The following SDK1 variants were observed in gnomAD, a reference collection of about 807,000 sequenced individuals.
The protein encoded by SDK1 is sidekick cell adhesion molecule 1, also known as protein sidekick-1.
SDK1 carries 157 observed loss-of-function variants against 245.5 expected under a neutral mutation model. The ratio of observed to expected loss-of-function variants is 0.64; its 90% CI spans 0.56 to 0.73. SDK1 has a LOEUF of 0.73. Among genes scored for constraint, SDK1 ranks in the 30% least tolerant of loss-of-function variants. The pLI is 0.00. For synonymous variants in SDK1, 1,647 were observed against 1,278.5 expected (o/e 1.29, Z -6.15); for missense variants, 3,583 against 3,002.3 (o/e 1.19, Z -4.52).
chr7:3,939,358 C>G (rs972451933), intron 5 of SDK1, among the ~76,000 whole-genome samples: 1 of 152,226 alleles, frequency 6.6e-6, no homozygotes, highest in African/African-American at 2.4e-5. Flanking sequence ...AAAATATACA[C>G]TCAGAAATGT....
At chr7:3,946,551 A>C (rs1483745131) in intron 5 of SDK1, among the ~76,000 whole-genome samples, 1 of 152,098 alleles carries the variant, frequency 6.6e-6, no homozygotes, top group Non-Finnish European at 1.5e-5. Context: ...TCTTGGGCTC[A>C]AGAGAGCCAC....
intron 1 of SDK1, among the ~76,000 whole-genome samples, chr7:3,375,697 C>A (rs1421097870): frequency 6.6e-6 from 1 of 152,150 alleles, no homozygotes; most frequent in African/African-American, 2.4e-5. Context: ...TGGTCAACCG[C>A]CACCATCAAC....
At chr7:3,583,922 G>C (rs1355337412) in intron 1 of SDK1, among the ~76,000 whole-genome samples, 1 of 152,184 alleles carries the variant, frequency 6.6e-6, no homozygotes, top group East Asian at 1.9e-4. Context: ...TTTGCTTGGA[G>C]TGAAGGTCCC....
At chr7:3,964,653 C>G (rs1378174651) in intron 9 of SDK1, among the ~76,000 whole-genome samples, 1 of 152,138 alleles carries the variant, frequency 6.6e-6, no homozygotes, top group East Asian at 1.9e-4. Context: ...TACTGTTCTT[C>G]TAAAATGAAG....
At chr7:3,623,554 T>A (rs1486484411) in intron 2 of SDK1, among the ~76,000 whole-genome samples, 1 of 152,164 alleles carries the variant, frequency 6.6e-6, no homozygotes, top group Non-Finnish European at 1.5e-5. Context: ...AATGTTACAT[T>A]TCATATTGAT....
At position 4,213,351 on chromosome 7, in the gene SDK1, G is replaced by A. The variant is rs567823198; in HGVS notation, c.5539+3189G>A. ...TGCTTAATCCTGGGAGGCGGAGGTG[G>A]CAGTGAGCCGAGATCGCGCCACTGC... On this transcript the variant is annotated intron_variant, in intron 38 of 44. Coordinates refer to ENST00000404826, the MANE Select transcript of SDK1 (RefSeq NM_152744.4). 5.3e-5 allele frequency among the ~76,000 whole-genome samples: 8 copies of A among 151,836 alleles called. No homozygotes were observed. The East Asian group carries it at 1.6e-3, about 29-fold the overall frequency.
rs528613095 is a variant in SDK1, at chr7:4,193,167, A to G, written c.5099-12712A>G. Among the ~76,000 whole-genome samples the G allele has an allele frequency of 5.7e-3, 760 of 133,850 alleles. 5 individuals are homozygous for G. Among genetic ancestry groups the G allele is most frequent in the African/African-American group, 0.021 (722 of 35,072 alleles). The allele number at this position is 133,850 out of a possible 152,430, so 87.8% of individuals were successfully genotyped here. On this transcript the variant is annotated intron_variant, in intron 35 of 44. Transcript: ENST00000404826. ...ATATATTTATATAATATATATTAAA[A>G]TATTTATATATTGTATAAATATATT...
At chr7:3,561,018 C>T (rs1009449568) in intron 1 of SDK1, among the ~76,000 whole-genome samples, 1 of 152,148 alleles carries the variant, frequency 6.6e-6, no homozygotes, top group Non-Finnish European at 1.5e-5. Flanking sequence ...TGGCACTTAT[C>T]ACATCTAACA....
intron 1 of SDK1, among the ~76,000 whole-genome samples, chr7:3,584,385 C>T (rs1000706231): frequency 3.3e-5 from 5 of 152,144 alleles, no homozygotes; most frequent in African/African-American, 1.2e-4. Context: ...CCCACATGAC[C>T]CTTCATTCTG....
intron 35 of SDK1, among the ~76,000 whole-genome samples, chr7:4,198,805 T>C (rs1231878904): frequency 7.0e-6 from 1 of 143,822 alleles, no homozygotes; most frequent in Admixed American, 6.9e-5. Flanking sequence ...TCTTTCTTTT[T>C]TCTTTGCTTT....
intron 22 of SDK1, among the ~76,000 whole-genome samples, chr7:4,089,246 A>T (rs1781632315): frequency 6.6e-6 from 1 of 152,190 alleles, no homozygotes; most frequent in Non-Finnish European, 1.5e-5. Context: ...CCTCATGGGC[A>T]TCTGCACAGG....
intron 19 of SDK1, among the ~76,000 whole-genome samples, chr7:4,058,368 A>G (rs1779326403): frequency 6.6e-6 from 1 of 152,094 alleles, no homozygotes; most frequent in African/African-American, 2.4e-5. Context: ...CCATAAAGGA[A>G]TGAGTATTTG....
At chr7:3,789,549 A>T (rs1781016343) in intron 4 of SDK1, among the ~76,000 whole-genome samples, 1 of 152,214 alleles carries the variant, frequency 6.6e-6, no homozygotes, top group African/African-American at 2.4e-5. Context: ...GTTATTTTAG[A>T]AACATTGGTC....
At chr7:3,765,051 C>A (rs1028266312) in intron 4 of SDK1, among the ~76,000 whole-genome samples, 1 of 151,880 alleles carries the variant, frequency 6.6e-6, no homozygotes, top group Non-Finnish European at 1.5e-5. Flanking sequence ...CAACATAAAA[C>A]AAAACTTTTT....
chr7:3,564,450 C>A (rs148741702), intron 1 of SDK1, among the ~76,000 whole-genome samples: 132 of 152,014 alleles, frequency 8.7e-4, no homozygotes, highest in African/African-American at 3.1e-3. Context: ...GATTGCGCAA[C>A]TACTTTCCAT....
intron 44 of SDK1, among the ~76,000 whole-genome samples, chr7:4,249,647 C>T (rs1418176922): frequency 1.3e-5 from 2 of 152,192 alleles, no homozygotes; most frequent in Non-Finnish European, 2.9e-5. Flanking sequence ...ATCCTGTGCT[C>T]CCCAGGTTTT....
chr7:3,663,515 G>A (rs1358855191), intron 4 of SDK1, among the ~76,000 whole-genome samples: 1 of 152,146 alleles, frequency 6.6e-6, no homozygotes, highest in East Asian at 1.9e-4. Flanking sequence ...CTTCAGCTGA[G>A]GGACCTGAAC....
chr7:3,928,367 C>T (rs1418951760), intron 5 of SDK1, among the ~76,000 whole-genome samples: 1 of 152,162 alleles, frequency 6.6e-6, no homozygotes, highest in African/African-American at 2.4e-5. Flanking sequence ...CTCAATTCTA[C>T]AACTTAGAAA....
intron 22 of SDK1, among the ~76,000 whole-genome samples, chr7:4,082,226 G>A (rs1283272884): frequency 1.3e-5 from 2 of 152,088 alleles, no homozygotes; most frequent in Non-Finnish European, 2.9e-5. Context: ...CTGTGAGCTT[G>A]CCTGTATGTC....
Sources: allele counts gnomAD v4.1 joint callset (sites outside exome capture counted in the v4.1 genomes callset), GRCh38; gene constraint gnomAD v4.1.1; transcripts MANE v1.5; gene names NCBI Gene and HGNC (gene_info 2026-07-23, HGNC 2026-07-21).